The following NOXRED1 variants were observed in gnomAD, a reference collection of about 807,000 sequenced individuals.
NOXRED1 encodes the protein NADP dependent oxidoreductase domain containing 1.
NOXRED1 carries 20 observed loss-of-function variants against 30.4 expected under a neutral mutation model. The ratio of observed to expected loss-of-function variants is 0.66; its 90% confidence interval spans 0.46 to 0.96. NOXRED1 has a LOEUF of 0.96. NOXRED1 is among the 40% of genes least tolerant of loss of function. The pLI is 0.00. For missense variants in NOXRED1, 374 were observed against 428.0 expected, an observed-to-expected ratio of 0.87 and a Z score of 1.11; for synonymous variants, 155 against 168.0, an observed-to-expected ratio of 0.92 and a Z score of 0.60.
intron 1 of NOXRED1, among the ~76,000 whole-genome samples, chr14:77,415,323 AC>A (rs1405702078): frequency 6.6e-6 from 1 of 152,156 alleles, no homozygotes; most frequent in African/African-American, 2.4e-5. Flanking sequence ...TAATCCCAGC[AC>A]TTTGGGAGGC....
Position 77,407,604 on chromosome 14 carries a change from C to T in NOXRED1, c.391G>A (p.Ala131Thr), listed in dbSNP as rs201496413. The T allele has an allele frequency of 1.2e-5, 19 of 1,613,920 alleles. No homozygotes were observed. Among genetic ancestry groups the T allele is most frequent in the Non-Finnish European group, 1.5e-5 (18 of 1,179,942 alleles). Residue 131 changes from alanine to threonine, a missense_variant, in exon 3 of 6, where the codon GCT (alanine) becomes ACT (threonine). By Grantham distance (58) the Ala-to-Thr change is moderately conservative. Coordinates refer to ENST00000380835, the MANE Select transcript of NOXRED1 (RefSeq NM_001113475.3). ...ACATCGGCCCAACTCACCAGATCAG[C>T]GTTATGGTAAAAGCATTTGATTCCC... ...KLGIKCFYHN[A>T]DLVSWADVIF...
rs191735883 is a variant in NOXRED1, at chr14:77,409,596, C to G, written c.350-1951G>C. On this transcript the variant is annotated intron_variant, in intron 2 of 5. Transcript: ENST00000380835. Reference sequence around the variant, plus strand: ...GACAAAGTTTAGAAAACAGGCCTATCTATCATTCTCTCCTGTGTTGTTCTC... The same window carrying G: ...GACAAAGTTTAGAAAACAGGCCTATGTATCATTCTCTCCTGTGTTGTTCTC... 6.4e-3 allele frequency among the ~76,000 whole-genome samples: 974 copies of G among 152,262 alleles called. 6 individuals carry two copies. Among genetic ancestry groups the G allele is most frequent in the African/African-American group, 0.023 (945 of 41,546 alleles).
intron 5 of NOXRED1, among the ~76,000 whole-genome samples, chr14:77,405,420 AT>A (rs1321273587): frequency 1.3e-5 from 2 of 152,152 alleles, no homozygotes; most frequent in African/African-American, 4.8e-5. Flanking sequence ...AAAATAAAGA[AT>A]GTCAAAGCAG....
rs374032045 is a variant in NOXRED1 at position 77,405,981 on chromosome 14, T to C, written c.837A>G (p.Ala279=). 11 of 1,613,724 alleles carry C rather than the reference T, an allele frequency of 6.8e-6. No individual in the cohort carries two copies. Among genetic ancestry groups the C allele is most frequent in the Middle Eastern group, 1.7e-4 (1 of 5,996 alleles). Residue 279 remains alanine (A), a synonymous_variant, in exon 5 of 6, where the codon GCA becomes GCG. Transcript: ENST00000380835. ...VHFEDCGKDT[A]SCPKLQLTDF... is the part of the protein sequence containing the mutation. ...CTGTTAATTGCAACTTTGGGCAAGATGCTGTGTCTTTCCCACAGTCTTCAA... is the reference window on the plus strand; with the variant it reads ...CTGTTAATTGCAACTTTGGGCAAGACGCTGTGTCTTTCCCACAGTCTTCAA...
intron 5 of NOXRED1, among the ~76,000 whole-genome samples, chr14:77,403,711 T>C (rs759608234): frequency 1.3e-5 from 2 of 152,032 alleles, no homozygotes; most frequent in African/African-American, 4.8e-5. Context: ...GCCCACCAAG[T>C]GCTCAACATT....
intron 1 of NOXRED1, among the ~76,000 whole-genome samples, chr14:77,417,698 G>A (rs1894867315): frequency 1.3e-5 from 2 of 150,816 alleles, no homozygotes; most frequent in South Asian, 2.1e-4. Context: ...CAAGATATAC[G>A]TTGGATCTTG....
chr14:77,411,469 CAAA>C (rs368123770), intron 2 of NOXRED1, among the ~76,000 whole-genome samples: 1 of 97,756 alleles, frequency 1.0e-5, no homozygotes, highest in Non-Finnish European at 2.2e-5. Context: ...GACTCTGTCT[CAAA>C]AAAAAAAAAA....
At chr14:77,400,837 A>G (rs1320998261) in intron 5 of NOXRED1, among the ~76,000 whole-genome samples, 1 of 152,130 alleles carries the variant, frequency 6.6e-6, no homozygotes, top group African/African-American at 2.4e-5. Context: ...TTATATTAGA[A>G]CCCCCAAAAT....
chr14:77,421,648 T>G (rs1894994941), intron 1 of NOXRED1, among the ~76,000 whole-genome samples: 1 of 152,234 alleles, frequency 6.6e-6, no homozygotes, highest in Non-Finnish European at 1.5e-5. Context: ...TTCAGACCAC[T>G]ATTTCCAGAG....
intron 2 of NOXRED1, among the ~76,000 whole-genome samples, chr14:77,411,873 C>T (rs1351989363): frequency 6.6e-6 from 1 of 152,124 alleles, no homozygotes; most frequent in Non-Finnish European, 1.5e-5. Flanking sequence ...AGGCAGATCA[C>T]CTGAGGTCAG....
At chr14:77,417,961 T>G (rs1894876068) in intron 1 of NOXRED1, among the ~76,000 whole-genome samples, 3 of 152,040 alleles carry the variant, frequency 2.0e-5, no homozygotes, top group Admixed American at 2.0e-4. Flanking sequence ...CGTAGGAAAT[T>G]GCATAAAAAT....
chr14:77,423,733 T>A (rs1242605271), upstream of NOXRED1, among the ~76,000 whole-genome samples: 2 of 152,148 alleles, frequency 1.3e-5, no homozygotes, highest in Non-Finnish European at 2.9e-5. Context: ...TCTGGATTTC[T>A]AGGGGTTTTT....
rs145820701 is a variant in NOXRED1 at position 77,409,704 on chromosome 14, T to C, written c.350-2059A>G. The stretch of plus-strand genomic sequence containing the variant: ...ACAACACATAGTGATATTTTACAAC[T>C]ATAATTTTATTCTAATAAATATATT... On this transcript the variant is annotated intron_variant, in intron 2 of 5. Coordinates refer to ENST00000380835, the MANE Select transcript of NOXRED1 (RefSeq NM_001113475.3). Among the ~76,000 whole-genome samples, 478 of 152,342 alleles carry C rather than the reference T, an allele frequency of 3.1e-3. 2 individuals carry two copies. Among genetic ancestry groups the C allele is most frequent in the Non-Finnish European group, 3.6e-3 (247 of 68,036 alleles).
At chr14:77,401,157 G>A (rs1250895540) in intron 5 of NOXRED1, among the ~76,000 whole-genome samples, 3 of 151,550 alleles carry the variant, frequency 2.0e-5, no homozygotes, top group Admixed American at 6.6e-5. Flanking sequence ...GGTGGATCAC[G>A]AGGTCAGGAG....
At position 77,394,111 on chromosome 14, in the gene NOXRED1, G is replaced by T. The variant is rs907302694; in HGVS notation, c.*520C>A. The T allele has an allele frequency of 1.7e-4, 26 of 152,296 alleles. No individual in the cohort carries two copies. The highest frequency in any genetic ancestry group is 5.8e-4 in the African/African-American group (24 of 41,550). The allele number at this position is 152,296 out of a possible 1,614,324, so 9.4% of individuals were successfully genotyped here. ...TTTAAATGGGAACAGCTGTAAATAA[G>T]ATAGTACCAGAACAGTCATATATAG... On this transcript the variant is annotated 3_prime_UTR_variant, in exon 6 of 6. Coordinates refer to ENST00000380835, the MANE Select transcript of NOXRED1 (RefSeq NM_001113475.3).
At chr14:77,425,145 C>T (rs775409318), upstream of NOXRED1, among the ~76,000 whole-genome samples, 37 of 152,332 alleles carry the variant, frequency 2.4e-4, no homozygotes, top group Middle Eastern at 0.024. Flanking sequence ...TGGTTTCTAG[C>T]TTGTCCCTGC....
chr14:77,413,355 C>G (rs566578072), intron 2 of NOXRED1, among the ~76,000 whole-genome samples: 103 of 151,542 alleles, frequency 6.8e-4, no homozygotes, highest in African/African-American at 2.3e-3. Flanking sequence ...TCTCCTGCGT[C>G]AGCCTCCTGA....
chr14:77,425,261 C>CA (rs1241904225), upstream of NOXRED1, among the ~76,000 whole-genome samples: 1 of 152,180 alleles, frequency 6.6e-6, no homozygotes, highest in Non-Finnish European at 1.5e-5. Flanking sequence ...CTCCAGCTGC[C>CA]ATACTTGAGT....
At chr14:77,425,072 G>A (rs933025913), upstream of NOXRED1, among the ~76,000 whole-genome samples, 4 of 152,122 alleles carry the variant, frequency 2.6e-5, no homozygotes, top group South Asian at 2.1e-4. Context: ...TTCCAGCAGC[G>A]GGACACCCAC....
Sources: allele counts gnomAD v4.1 joint callset (sites outside exome capture counted in the v4.1 genomes callset), GRCh38; gene constraint gnomAD v4.1.1; transcripts MANE v1.5; gene names NCBI Gene and HGNC (gene_info 2026-07-23, HGNC 2026-07-21).